The following SLC9A6 variants were observed in gnomAD, a reference collection of about 807,000 sequenced individuals.
The protein encoded by SLC9A6 is sodium/hydrogen exchanger 6.
In SLC9A6, 6 loss-of-function variants were observed where a neutral mutation model predicts 45.3. The observed-to-expected ratio is 0.13, with a 90% confidence interval of 0.07 to 0.26. The LOEUF is 0.26. Among genes scored for constraint, SLC9A6 ranks in the 10% least tolerant of loss-of-function variants. SLC9A6 has a pLI of 1.00. For missense variants in SLC9A6, 278 were observed against 503.7 expected (o/e 0.55, Z 4.29); for synonymous variants, 191 against 187.7 (o/e 1.02, Z -0.14).
rs368866498 is a variant in SLC9A6 at position 136,024,515 on chromosome X, T to C, written c.1460+32T>C. ...ACTAACTAGAGACCTCATTTTAAGA[T>C]TAAATTTTAATTTGGTTTATTTTTC... On this transcript the variant is annotated intron_variant, in intron 13 of 17. Transcript: ENST00000630721. The C allele has an allele frequency of 8.7e-6, 10 of 1,143,491 alleles. No homozygotes were observed. The African/African-American group carries it at 1.8e-4, about 20-fold the overall frequency. The allele number at this position is 1,143,491 out of a possible 1,213,427, so 94.2% of individuals were successfully genotyped here.
At chrX:135,992,319 G>C (rs977719586) in intron 2 of SLC9A6, among the ~76,000 whole-genome samples, 6 of 111,698 alleles carry the variant, frequency 5.4e-5, no homozygotes, top group Middle Eastern at 4.7e-3. Flanking sequence ...TCTTAGGTTA[G>C]GACCTAAACT....
At chrX:136,026,487 A>G (rs1251090946) in intron 13 of SLC9A6, among the ~76,000 whole-genome samples, 2 of 111,056 alleles carry the variant, frequency 1.8e-5, no homozygotes, top group Non-Finnish European at 3.8e-5. Flanking sequence ...TTCAATAAAC[A>G]TTTACTGAAC....
intron 8 of SLC9A6, 87 bp from the exon 9 acceptor site, chrX:136,012,862 C>T: frequency 7.5e-6 from 5 of 670,161 alleles, no homozygotes; most frequent in Non-Finnish European, 1.2e-5. Flanking sequence ...GAGAACCTTT[C>T]TTTCATGGTT....
intron 1 of SLC9A6, chrX:135,974,990 G>C (rs1556613167): frequency 4.3e-6 from 1 of 232,570 alleles, no homozygotes; most frequent in Non-Finnish European, 8.1e-6. Flanking sequence ...CTGAAATGTA[G>C]ACATTTAATA....
In SLC9A6 at chrX:136,044,770, T is replaced by C; in HGVS notation, c.*46T>C. On this transcript the variant is annotated 3_prime_UTR_variant, in exon 18 of 18. Transcript: ENST00000630721. ...TGATTTGTAAAATTTGCACATGTGA[T>C]TGTGAAGAAATTTGTACTACCTAAA... The C allele has an allele frequency of 1.7e-6, 2 of 1,153,795 alleles. No individual in the cohort carries two copies. The highest frequency in any genetic ancestry group is 3.5e-5 in the African/African-American group (2 of 56,820).
At chrX:136,009,140 G>A (rs1482311484) in intron 7 of SLC9A6, among the ~76,000 whole-genome samples, 1 of 111,580 alleles carries the variant, frequency 9.0e-6, no homozygotes, top group East Asian at 2.8e-4. Flanking sequence ...CTCATTTATG[G>A]TAGTGGGACC....
intron 11 of SLC9A6, among the ~76,000 whole-genome samples, chrX:136,019,333 A>G (rs2071079998): frequency 8.9e-6 from 1 of 112,603 alleles, no homozygotes. Flanking sequence ...TTGTGATCCA[A>G]CGTGGCTCAC....
chrX:136,012,166 T>C (rs1472297263), intron 8 of SLC9A6, among the ~76,000 whole-genome samples: 3 of 113,275 alleles, frequency 2.6e-5, no homozygotes, highest in Non-Finnish European at 3.7e-5. Context: ...TACGTTATTC[T>C]TTGTCAAGGA....
intron 11 of SLC9A6, 119 bp from the exon 12 acceptor site, chrX:136,022,467 C>T: frequency 2.3e-6 from 1 of 432,083 alleles, no homozygotes; most frequent in Non-Finnish European, 4.1e-6. Context: ...GACAATGGAA[C>T]CAAGAGACTG....
At position 136,002,133 on chromosome X, in the gene SLC9A6, G is replaced by A; in HGVS notation, c.663G>A (p.Glu221=). Reference sequence around the variant, plus strand: ...TGACTGTTCTTGCTATATTCCACGAGCTTCAAGTTGATGTTGAACTCTATG... The same window carrying A: ...TGACTGTTCTTGCTATATTCCACGAACTTCAAGTTGATGTTGAACTCTATG... ...DPVTVLAIFH[E]LQVDVELYAL... is the part of the protein sequence containing the mutation. The change falls in exon 7 of 18, where the codon GAG becomes GAA. Residue 221 remains glutamate (E), a synonymous_variant. Coordinates refer to ENST00000630721, the MANE Select transcript of SLC9A6 (RefSeq NM_001379110.1). The A allele has an allele frequency of 8.3e-7, 1 of 1,205,614 alleles. No individual in the cohort carries two copies. The highest frequency in any genetic ancestry group is 1.1e-6 in the Non-Finnish European group (1 of 890,180).
At chrX:136,003,311 T>C (rs1556617595) in intron 7 of SLC9A6, among the ~76,000 whole-genome samples, 1 of 112,537 alleles carries the variant, frequency 8.9e-6, no homozygotes, top group East Asian at 2.8e-4. Context: ...TTTATTAGTC[T>C]CTTACCTATC....
intron 1 of SLC9A6, among the ~76,000 whole-genome samples, chrX:135,975,453 A>T (rs2089256092): frequency 8.9e-6 from 1 of 111,917 alleles, no homozygotes; most frequent in South Asian, 3.7e-4. Flanking sequence ...ATTCTGTTCT[A>T]CTTTTTATAT....
At chrX:135,995,073 TG>T in intron 3 of SLC9A6, 88 bp downstream of exon 3, 2 of 590,110 alleles carry the variant, frequency 3.4e-6, no homozygotes, top group Non-Finnish European at 5.6e-6. Context: ...GGATTTTTAA[TG>T]ATATTTAAAA....
intron 17 of SLC9A6, among the ~76,000 whole-genome samples, chrX:136,041,577 T>A (rs782399587): frequency 1.2e-4 from 13 of 111,351 alleles, no homozygotes; most frequent in Non-Finnish European, 2.5e-4. Context: ...TTAACCCACA[T>A]AACTGTGCAG....
upstream of SLC9A6, among the ~76,000 whole-genome samples, chrX:135,981,652 A>G (rs1414348306): frequency 8.9e-6 from 1 of 112,556 alleles, no homozygotes; most frequent in East Asian, 2.8e-4. Flanking sequence ...CTAGAAGTTC[A>G]GAATGGCTGA....
upstream of SLC9A6, chrX:135,974,004 A>G: frequency 1.3e-6 from 1 of 741,776 alleles, no homozygotes; most frequent in Non-Finnish European, 1.8e-6. Flanking sequence ...GCGCCGGCAA[A>G]TGGGGGCAGG....
intron 2 of SLC9A6, among the ~76,000 whole-genome samples, chrX:135,993,185 G>T (rs1287732786): frequency 2.7e-5 from 3 of 111,740 alleles, no homozygotes; most frequent in Non-Finnish European, 5.6e-5. Context: ...GACACAAAAG[G>T]CCATATATTG....
chrX:136,002,161 C>A lies in SLC9A6; in HGVS notation c.691C>A (p.Leu231Ile). Reference protein sequence around the residue: ...ELQVDVELYALLFGESVLNDA... With the variant: ...ELQVDVELYAILFGESVLNDA... The stretch of plus-strand genomic sequence containing the variant: ...TCAAGTTGATGTTGAACTCTATGCA[C>A]TTCTTTTTGGTGAAAGTGTCCTCAA... Residue 231 changes from leucine to isoleucine, a missense_variant, in exon 7 of 18, where the codon CTT becomes ATT. Leu to Ile is a conservative substitution (Grantham distance 5). Transcript: ENST00000630721. The A allele has an allele frequency of 8.3e-7, 1 of 1,208,870 alleles. No individual in the cohort carries two copies. Among genetic ancestry groups the A allele is most frequent in the Non-Finnish European group, 1.1e-6 (1 of 892,899 alleles).
intron 3 of SLC9A6, among the ~76,000 whole-genome samples, chrX:135,997,061 T>C (rs193163650): frequency 5.8e-4 from 59 of 102,525 alleles, no homozygotes; most frequent in Middle Eastern, 5.6e-3. Flanking sequence ...CCACCACGCC[T>C]GGCCTCATTC....
Sources: gnomAD v4.1 joint callset for allele counts (sites outside exome capture counted in the v4.1 genomes callset) on GRCh38, gnomAD v4.1.1 for gene constraint, MANE v1.5 for transcripts, NCBI Gene and HGNC (gene_info 2026-07-23, HGNC 2026-07-21) for gene names.